The following RUBCN variants were observed in gnomAD, a reference collection of about 807,000 sequenced individuals.
The protein encoded by RUBCN is rubicon autophagy regulator, also known as run domain Beclin-1-interacting and cysteine-rich domain-containing protein.
A neutral mutation model predicts 113.2 loss-of-function variants in RUBCN; 74 were observed. That is an observed-to-expected ratio of 0.65 (90% CI 0.54 to 0.79). RUBCN has a LOEUF of 0.79. Among genes scored for constraint, RUBCN ranks in the 30% least tolerant of loss-of-function variants. The pLI is 0.00. For missense variants in RUBCN, 1,109 were observed against 1,251.7 expected (o/e 0.89, Z 1.72); for synonymous variants, 480 against 490.0 (o/e 0.98, Z 0.27).
At position 197,669,032 on chromosome 3, in the gene RUBCN, A is replaced by G. The variant is rs146705767; in HGVS notation, c.*5986T>C. Among the ~76,000 whole-genome samples, 2 of 152,340 alleles carry G rather than the reference A, an allele frequency of 1.3e-5. No homozygotes were observed. Among genetic ancestry groups the G allele is most frequent in the Admixed American group, 1.3e-4 (2 of 15,304 alleles). ...TCTAACCATATTTTTGCATAACTGT[A>G]ATTATGATGTACATATGCTTTTTAT... On this transcript the variant is annotated 3_prime_UTR_variant, in exon 20 of 20. Coordinates refer to ENST00000296343, the MANE Select transcript of RUBCN (RefSeq NM_014687.4).
chr3:197,693,162 G>C (rs900644105), intron 11 of RUBCN, among the ~76,000 whole-genome samples: 2 of 152,112 alleles, frequency 1.3e-5, no homozygotes. Flanking sequence ...GAACCCCACT[G>C]TTCCTCTATG....
chr3:197,701,338 G>A (rs1325518668), intron 6 of RUBCN, among the ~76,000 whole-genome samples, 192 bp from the exon 7 acceptor site: 2 of 152,180 alleles, frequency 1.3e-5, no homozygotes, highest in African/African-American at 4.8e-5. Context: ...TTATTAGTAT[G>A]CATTCCTCAT....
chr3:197,745,082 C>T (rs917828005), intron 1 of RUBCN, among the ~76,000 whole-genome samples: 10 of 150,514 alleles, frequency 6.6e-5, no homozygotes, highest in Non-Finnish European at 1.3e-4. Flanking sequence ...GTCAAGAGAT[C>T]GAGACCATCC....
At chr3:197,709,828 C>G (rs1266769203) in intron 2 of RUBCN, among the ~76,000 whole-genome samples, 1 of 151,996 alleles carries the variant, frequency 6.6e-6, no homozygotes, top group African/African-American at 2.4e-5. Context: ...ATGTAAAAAA[C>G]TAAGCCATAA....
intron 1 of RUBCN, among the ~76,000 whole-genome samples, chr3:197,742,890 A>G (rs1269588446): frequency 6.6e-6 from 1 of 152,206 alleles, no homozygotes; most frequent in African/African-American, 2.4e-5. Context: ...ACTTTATGTA[A>G]ATTTGTTTAG....
chr3:197,729,757 C>A (rs1486533270), intron 1 of RUBCN, among the ~76,000 whole-genome samples: 1 of 152,062 alleles, frequency 6.6e-6, no homozygotes, highest in Non-Finnish European at 1.5e-5. Context: ...CAGCATTTTG[C>A]CATGTTGACC....
intron 11 of RUBCN, among the ~76,000 whole-genome samples, chr3:197,693,469 A>T (rs1216682846): frequency 6.6e-6 from 1 of 152,168 alleles, no homozygotes; most frequent in African/African-American, 2.4e-5. Context: ...GAAAGACACC[A>T]CTGAGGAGGA....
intron 1 of RUBCN, among the ~76,000 whole-genome samples, chr3:197,743,898 T>G (rs1728629116): frequency 6.6e-6 from 1 of 151,934 alleles, no homozygotes; most frequent in South Asian, 2.1e-4. Flanking sequence ...GCAGGAGAAT[T>G]GCTTGAACCC....
upstream of RUBCN, chr3:197,749,801 C>A (rs1728931889): frequency 2.1e-6 from 1 of 472,058 alleles, no homozygotes; most frequent in South Asian, 3.1e-5. Flanking sequence ...CCGCTCTGGT[C>A]GCCCGCGAGT....
At chr3:197,717,385 A>C (rs1725659301) in intron 2 of RUBCN, among the ~76,000 whole-genome samples, 1 of 151,334 alleles carries the variant, frequency 6.6e-6, no homozygotes, top group Middle Eastern at 3.4e-3. Flanking sequence ...CGGAGCTTGC[A>C]GTGAGCCAAG....
At chr3:197,747,512 C>T (rs1347992263) in intron 1 of RUBCN, among the ~76,000 whole-genome samples, 1 of 151,840 alleles carries the variant, frequency 6.6e-6, no homozygotes, top group Non-Finnish European at 1.5e-5. Context: ...TGAGCCACTG[C>T]ACCAGGTCGA....
chr3:197,733,946 T>C (rs1727810416), intron 1 of RUBCN, among the ~76,000 whole-genome samples: 1 of 152,080 alleles, frequency 6.6e-6, no homozygotes, highest in African/African-American at 2.4e-5. Flanking sequence ...AGAGGCAGCA[T>C]AGGGTGAGTA....
chr3:197,739,613 G>GTGATGAA (rs982238324), upstream of RUBCN, among the ~76,000 whole-genome samples: 7 of 151,332 alleles, frequency 4.6e-5, no homozygotes, highest in Non-Finnish European at 8.9e-5. Flanking sequence ...GGAGAATGGC[G>GTGATGAA]TGATGAACCC....
chr3:197,746,740 G>A (rs914001118), intron 1 of RUBCN, among the ~76,000 whole-genome samples: 16 of 152,142 alleles, frequency 1.1e-4, no homozygotes, highest in African/African-American at 3.9e-4. Flanking sequence ...TGTGTGAAAC[G>A]AAGTCTTTTA....
chr3:197,715,570 T>C (rs947018357), intron 2 of RUBCN, among the ~76,000 whole-genome samples: 32 of 152,158 alleles, frequency 2.1e-4, no homozygotes, highest in African/African-American at 7.5e-4. Flanking sequence ...ATGCTTTACA[T>C]ACCACACCAA....
chr3:197,745,278 C>T (rs947229043), intron 1 of RUBCN, among the ~76,000 whole-genome samples: 3 of 84,690 alleles, frequency 3.5e-5, no homozygotes, highest in African/African-American at 1.2e-4. Context: ...GAGAGAGATG[C>T]TGTCTCAAAA....
chr3:197,732,382 C>G (rs1048908666), intron 1 of RUBCN, among the ~76,000 whole-genome samples: 1 of 152,192 alleles, frequency 6.6e-6, no homozygotes, highest in Admixed American at 6.5e-5. Flanking sequence ...GGCGTGATCT[C>G]GGCTCACTGC....
At chr3:197,712,922 C>G (rs1725119337) in intron 2 of RUBCN, among the ~76,000 whole-genome samples, 1 of 150,814 alleles carries the variant, frequency 6.6e-6, no homozygotes, top group African/African-American at 2.5e-5. Context: ...TGCAATGGTG[C>G]AATCTCAGCT....
chr3:197,717,874 A>G, intron 2 of RUBCN, 103 bp downstream of exon 2: 1 of 1,246,238 alleles, frequency 8.0e-7, no homozygotes, highest in Non-Finnish European at 1.2e-6. Context: ...AGCTGCTCTC[A>G]GGAGTCCACA....
Sources: gnomAD v4.1 joint callset for allele counts (sites outside exome capture counted in the v4.1 genomes callset) on GRCh38, gnomAD v4.1.1 for gene constraint, MANE v1.5 for transcripts, NCBI Gene and HGNC (gene_info 2026-07-23, HGNC 2026-07-21) for gene names.